PRKCA: variants seen among roughly 807,000 people sequenced by gnomAD.
PRKCA encodes the protein protein kinase C alpha type.
Under a neutral mutation model 87.0 loss-of-function variants are expected in PRKCA, and 27 were observed. The observed-to-expected ratio is 0.31, with a 90% CI of 0.23 to 0.43. PRKCA has a LOEUF of 0.43. PRKCA is among the 20% of genes least tolerant of loss of function. The probability of loss-of-function intolerance (pLI) is 1.00; values close to 1 mark genes in which losing one functional copy is unlikely to be tolerated. For synonymous variants in PRKCA, 329 were observed against 311.1 expected, an observed-to-expected ratio of 1.06 and a Z score of -0.61; for missense variants, 518 against 852.3, an observed-to-expected ratio of 0.61 and a Z score of 4.88.
intron 2 of PRKCA, among the ~76,000 whole-genome samples, chr17:66,397,515 T>C (rs1217658527): frequency 2.0e-5 from 3 of 152,120 alleles, no homozygotes; most frequent in Non-Finnish European, 4.4e-5. Flanking sequence ...TCTGTTTTTC[T>C]TTTTTAGCTT....
intron 5 of PRKCA, among the ~76,000 whole-genome samples, chr17:66,660,123 A>G (rs912692384): frequency 2.0e-4 from 31 of 152,068 alleles, no homozygotes; most frequent in Non-Finnish European, 3.2e-4. Flanking sequence ...GATCAACAAA[A>G]AAAAAAACAA....
chr17:66,750,831 A>G (rs929772752), intron 13 of PRKCA, among the ~76,000 whole-genome samples: 2 of 152,168 alleles, frequency 1.3e-5, no homozygotes, highest in Non-Finnish European at 2.9e-5. Flanking sequence ...CCACCTCCCC[A>G]GTTCAATGCA....
At chr17:66,775,626 G>A (rs1975028873) in intron 14 of PRKCA, 4 of 985,336 alleles carry the variant, frequency 4.1e-6, no homozygotes, top group Non-Finnish European at 1.2e-6. Context: ...AGAAGCCTTA[G>A]TCAGAGACAA....
chr17:66,766,041 A>G (rs1337792999), intron 13 of PRKCA, among the ~76,000 whole-genome samples: 1 of 152,302 alleles, frequency 6.6e-6, no homozygotes, highest in East Asian at 1.9e-4. Flanking sequence ...TATTGTTACA[A>G]TTGAAGGCAC....
At position 66,735,658 on chromosome 17, in the gene PRKCA, C is replaced by G; in HGVS notation, c.1226C>G (p.Thr409Arg). 1 of 1,613,662 alleles carries G rather than the reference C, an allele frequency of 6.2e-7. No homozygotes were observed. Among genetic ancestry groups the G allele is most frequent in the South Asian group, 1.1e-5 (1 of 90,980 alleles). Residue 409 changes from threonine to arginine, a missense_variant, in exon 10 of 17, where the codon ACA becomes AGA. Physicochemically the swap from Thr to Arg is moderately conservative, Grantham distance 71. This residue lies in a region of PRKCA where 300 missense variants were observed against 496.8 expected (regional missense o/e 0.60). Transcript: ENST00000413366. ...ACGCAGCTGCACTCCTGCTTCCAGA[C>G]AGTGGTAAGGACCCTGGGAATCCCT... ...FLTQLHSCFQ[T>R]VDRLYFVMEY... is the part of the protein sequence containing the mutation.
At chr17:66,315,810 A>G (rs1043347841) in intron 2 of PRKCA, among the ~76,000 whole-genome samples, 1 of 152,178 alleles carries the variant, frequency 6.6e-6, no homozygotes, top group Non-Finnish European at 1.5e-5. Flanking sequence ...GTAGCACTTA[A>G]TGTGCTTCCT....
chr17:66,425,296 C>T (rs565174923), intron 2 of PRKCA, among the ~76,000 whole-genome samples: 6 of 152,040 alleles, frequency 3.9e-5, no homozygotes, highest in Non-Finnish European at 7.4e-5. Context: ...ACAGACCTCT[C>T]CCTCCAAGGC....
At chr17:66,487,731 T>TA (rs1916046970) in intron 2 of PRKCA, among the ~76,000 whole-genome samples, 1 of 152,230 alleles carries the variant, frequency 6.6e-6, no homozygotes, top group Non-Finnish European at 1.5e-5. Context: ...GGTGGGATGT[T>TA]ACTGTGATTT....
At position 66,563,236 on chromosome 17, in the gene PRKCA, T is replaced by C. The variant is rs899003381; in HGVS notation, c.288+66953T>C. 2.6e-5 allele frequency among the ~76,000 whole-genome samples: 4 copies of C among 152,176 alleles called. No homozygotes were observed. The East Asian group carries it at 7.7e-4, about 29-fold the overall frequency. On this transcript the variant is annotated intron_variant, in intron 3 of 16. Transcript: ENST00000413366. ...AGGGTTCGGTCTTGGTAGTGTATAG[T>C]CTGTGGGTTTGGACAAATGTGTCAT...
intron 8 of PRKCA, among the ~76,000 whole-genome samples, chr17:66,707,804 TA>T (rs1178596980): frequency 3.9e-5 from 6 of 152,168 alleles, no homozygotes; most frequent in Admixed American, 3.9e-4. Context: ...CCCTGTCTCC[TA>T]AACAGTAGCT....
At chr17:66,725,321 G>A (rs1015382323) in intron 8 of PRKCA, among the ~76,000 whole-genome samples, 8 of 152,176 alleles carry the variant, frequency 5.3e-5, no homozygotes, top group South Asian at 2.1e-4. Context: ...ACTAGTGCTG[G>A]CTACAAGTTG....
intron 3 of PRKCA, among the ~76,000 whole-genome samples, chr17:66,632,403 G>A (rs1373722532): frequency 5.9e-5 from 9 of 151,830 alleles, no homozygotes; most frequent in African/African-American, 1.9e-4. Flanking sequence ...TTTTTGAGAC[G>A]GGGTCTTGCT....
intron 13 of PRKCA, among the ~76,000 whole-genome samples, chr17:66,771,688 C>T (rs554579913): frequency 2.2e-4 from 33 of 152,066 alleles, no homozygotes; most frequent in African/African-American, 5.8e-4. Flanking sequence ...CTCCACCTCC[C>T]GGGTTCAAGC....
At chr17:66,323,748 T>C (rs953067045) in intron 2 of PRKCA, among the ~76,000 whole-genome samples, 1 of 152,168 alleles carries the variant, frequency 6.6e-6, no homozygotes, top group African/African-American at 2.4e-5. Flanking sequence ...GAGACCAGCC[T>C]GGCCAACATG....
chr17:66,383,400 T>A (rs1909877632), intron 2 of PRKCA, among the ~76,000 whole-genome samples: 1 of 88,918 alleles, frequency 1.1e-5, no homozygotes, highest in South Asian at 3.6e-4. Context: ...GAAAAGCCTA[T>A]TTTTTTTTTT....
At chr17:66,412,902 AG>A (rs1457596856) in intron 2 of PRKCA, 1 of 152,350 alleles carries the variant, frequency 6.6e-6, no homozygotes, top group Non-Finnish European at 1.5e-5. Context: ...AGAGATGGGA[AG>A]AACCGAGGCG....
intron 3 of PRKCA, among the ~76,000 whole-genome samples, chr17:66,586,428 A>G (rs1355992666): frequency 6.6e-6 from 1 of 152,186 alleles, no homozygotes; most frequent in Admixed American, 6.5e-5. Flanking sequence ...TCTTCAACTG[A>G]TGTGATAAGA....
chr17:66,682,562 T>C (rs756884060), intron 5 of PRKCA, among the ~76,000 whole-genome samples: 1 of 152,260 alleles, frequency 6.6e-6, no homozygotes, highest in Non-Finnish European at 1.5e-5. Context: ...AGTCACTGCT[T>C]CTGCAGCTGA....
At chr17:66,550,668 A>G (rs1037522185) in intron 3 of PRKCA, among the ~76,000 whole-genome samples, 2 of 152,050 alleles carry the variant, frequency 1.3e-5, no homozygotes, top group African/African-American at 2.4e-5. Flanking sequence ...CAATCAATCA[A>G]TAAGGCTCTG....
Sources: gnomAD v4.1 joint callset for allele counts (sites outside exome capture counted in the v4.1 genomes callset) on GRCh38, gnomAD v4.1.1 for gene constraint, gnomAD v4.1.1 regional missense constraint, MANE v1.5 for transcripts, NCBI Gene and HGNC (gene_info 2026-07-23, HGNC 2026-07-21) for gene names.